CYREN: variants seen among roughly 807,000 people sequenced by gnomAD.
The protein encoded by CYREN is cell cycle regulator of NHEJ, also known as cell cycle regulator of non-homologous end joining.
CYREN carries 7 observed loss-of-function variants against 9.7 expected under a neutral mutation model. That is an observed-to-expected ratio of 0.72 (90% CI 0.41 to 1.36). CYREN has a LOEUF of 1.36. Among genes scored for constraint, CYREN ranks in the 40% most tolerant of loss-of-function variants. The pLI, the probability that CYREN is intolerant of heterozygous loss-of-function variation, is 0.01. For missense variants in CYREN, 215 were observed against 198.1 expected (o/e 1.09, Z -0.51); for synonymous variants, 76 against 77.9 (o/e 0.98, Z 0.13).
chr7:135,135,022 T>C (rs1414731864), intron 2 of CYREN: 1 of 1,550,834 alleles, frequency 6.4e-7, no homozygotes, highest in Non-Finnish European at 8.7e-7. Context: ...GAATAAACAT[T>C]CTCAAATCTG....
rs554088883 is a variant in CYREN at position 135,136,091 on chromosome 7, A to G, written n.356+32658T>C. On this transcript the variant is annotated intron_variant and non_coding_transcript_variant, in intron 2 of 2. Coordinates refer to the CYREN transcript ENST00000459937. ...GGACACACAGAGGAGCAAGTATGTC[A>G]GGCAGAAGAGTCAAGATGCATGTAG... Among the ~76,000 whole-genome samples the G allele has an allele frequency of 2.0e-4, 31 of 152,228 alleles. No homozygotes were observed. In the South Asian group the frequency reaches 6.4e-3, roughly 32 times the overall value.
chr7:135,129,483 T>C (rs923286855), intron 2 of CYREN: 2 of 773,426 alleles, frequency 2.6e-6, no homozygotes, highest in African/African-American at 1.7e-5. Context: ...GAACTGACCA[T>C]GTTGTGGAAC....
In CYREN at chr7:135,166,780, G is replaced by A; in HGVS notation, c.305C>T (p.Thr102Ile). Residue 102 changes from threonine to isoleucine, a missense_variant, in exon 4 of 4, where the codon ACA becomes ATA. Transcript: ENST00000393114. The stretch of plus-strand genomic sequence containing the variant: ...TTCCTCACTGCTGCTCCCAGAACTT[G>A]TGTGAGGCGACACGGAGCAGGGAGG... ...HSPPCSVSPH[T>I]SSGSSSEEED... 2 of 1,614,188 alleles carry A rather than the reference G, an allele frequency of 1.2e-6. No homozygotes were observed. The highest frequency in any genetic ancestry group is 1.7e-6 in the Non-Finnish European group (2 of 1,180,040).
chr7:135,094,025 TG>T, exon 3 of CYREN: 1 of 187,464 alleles, frequency 5.3e-6, no homozygotes, highest in Non-Finnish European at 1.1e-5. Context: ...CAAATGGTAC[TG>T]GGACAACTGG....
chr7:135,105,342 T>A (rs1824527119), intron 2 of CYREN, among the ~76,000 whole-genome samples: 1 of 152,210 alleles, frequency 6.6e-6, no homozygotes, highest in African/African-American at 2.4e-5. Flanking sequence ...AGTGCTGGGA[T>A]TACAGGCATA....
At chr7:135,155,052 G>A (rs559439630) in intron 2 of CYREN, among the ~76,000 whole-genome samples, 11 of 152,128 alleles carry the variant, frequency 7.2e-5, no homozygotes, top group South Asian at 2.1e-4. Context: ...CTATTATATC[G>A]TCTTGCTGAA....
chr7:135,106,237 T>C (rs1281196130), intron 2 of CYREN, among the ~76,000 whole-genome samples: 3 of 152,214 alleles, frequency 2.0e-5, no homozygotes, highest in Non-Finnish European at 2.9e-5. Context: ...CTTGGCTGAT[T>C]GCTCTGGCCA....
chr7:135,100,123 T>G (rs533876609), intron 2 of CYREN: 1 of 151,796 alleles, frequency 6.6e-6, no homozygotes, highest in African/African-American at 2.4e-5. Context: ...CCCGACCTCG[T>G]GATCTGCCTA....
intron 2 of CYREN, among the ~76,000 whole-genome samples, chr7:135,097,190 G>A (rs760386551): frequency 2.6e-5 from 4 of 152,156 alleles, no homozygotes; most frequent in East Asian, 1.9e-4. Flanking sequence ...CAAAGGTTAC[G>A]ACTAAAATAT....
intron 2 of CYREN, among the ~76,000 whole-genome samples, chr7:135,106,602 G>A (rs1395715421): frequency 6.6e-6 from 1 of 152,174 alleles, no homozygotes. Flanking sequence ...ATGTGCTGCT[G>A]GATTTGGTTT....
intron 2 of CYREN, among the ~76,000 whole-genome samples, chr7:135,105,329 C>T (rs1824522638): frequency 8.3e-6 from 1 of 119,832 alleles, no homozygotes; most frequent in Admixed American, 8.5e-5. Flanking sequence ...CTCGGTCTCC[C>T]AAAGTGCTGG....
intron 2 of CYREN, 146 bp from the exon 3 acceptor site, chr7:135,167,953 C>G: frequency 7.2e-7 from 1 of 1,384,454 alleles, no homozygotes; most frequent in Non-Finnish European, 9.7e-7. Flanking sequence ...CTTTCTGACA[C>G]GGACACAATT....
Position 135,167,812 on chromosome 7 carries a change from A to G in CYREN, c.138-5T>C, listed in dbSNP as rs1299598731. ...ACAGTCCTTGTCGCAGGGAGTCTGA[A>G]AAAAAGACATGCAAGGCACAGATGA... On this transcript the variant is annotated splice_polypyrimidine_tract_variant and splice_region_variant and intron_variant, in intron 2 of 3. Coordinates refer to ENST00000393114, the MANE Select transcript of CYREN (RefSeq NM_024033.4). 1 of 1,614,070 alleles carries G rather than the reference A, an allele frequency of 6.2e-7. No individual in the cohort carries two copies. The highest frequency in any genetic ancestry group is 8.5e-7 in the Non-Finnish European group (1 of 1,180,032).
At position 135,111,645 on chromosome 7, in the gene CYREN, C is replaced by T. The variant is rs566780804; in HGVS notation, n.357-17063G>A. 2.0e-5 allele frequency among the ~76,000 whole-genome samples: 3 copies of T among 152,112 alleles called. 1 individual carries two copies. The South Asian group carries it at 6.2e-4, about 32-fold the overall frequency. On this transcript the variant is annotated intron_variant and non_coding_transcript_variant, in intron 2 of 2. Coordinates refer to the CYREN transcript ENST00000459937. ...CTCAATGAATATCTGAGTGTCATAT[C>T]TGTGACACTACTCTCTCCTGGTTTT... is the stretch of plus-strand genomic sequence containing the variant.
chr7:135,132,522 A>G (rs1719432764), intron 2 of CYREN, among the ~76,000 whole-genome samples: 1 of 152,176 alleles, frequency 6.6e-6, no homozygotes, highest in South Asian at 2.1e-4. Flanking sequence ...CTTACTCAAT[A>G]AAGTCCATTC....
intron 2 of CYREN, among the ~76,000 whole-genome samples, chr7:135,157,725 C>T (rs1562924234): frequency 6.6e-6 from 1 of 152,190 alleles, no homozygotes; most frequent in Admixed American, 6.5e-5. Flanking sequence ...GTTGGGTGAG[C>T]TACTCCCCAG....
chr7:135,159,008 G>A (rs529578786), intron 2 of CYREN, among the ~76,000 whole-genome samples: 4 of 152,336 alleles, frequency 2.6e-5, no homozygotes, highest in South Asian at 4.1e-4. Context: ...CCAGTGGGTC[G>A]AGGTTTCCTT....
At chr7:135,160,532 T>C (rs1261073392) in intron 2 of CYREN, among the ~76,000 whole-genome samples, 1 of 152,108 alleles carries the variant, frequency 6.6e-6, no homozygotes, top group Admixed American at 6.5e-5. Flanking sequence ...AGGACTGACT[T>C]CCACCCTCTC....
upstream of CYREN, among the ~76,000 whole-genome samples, chr7:135,171,552 G>C (rs1279510043): frequency 3.9e-5 from 6 of 152,210 alleles, no homozygotes; most frequent in Middle Eastern, 6.8e-3. Context: ...CGTACCCCTT[G>C]CTTGCTCAAA....
Sources: allele counts gnomAD v4.1 joint callset (sites outside exome capture counted in the v4.1 genomes callset), GRCh38; gene constraint gnomAD v4.1.1; transcripts MANE v1.5; gene names NCBI Gene and HGNC (gene_info 2026-07-23, HGNC 2026-07-21).